The following HDAC5 variants were observed in gnomAD, a reference collection of about 807,000 sequenced individuals.
The protein encoded by HDAC5 is antigen NY-CO-9.
In HDAC5, 25 loss-of-function variants were observed where a neutral mutation model predicts 133.3. The observed-to-expected ratio is 0.19, with a 90% CI of 0.14 to 0.26. The LOEUF is 0.26. Among genes scored for constraint, HDAC5 ranks in the 10% least tolerant of loss-of-function variants. The pLI is 1.00. For missense variants in HDAC5, 1,041 were observed against 1,460.5 expected (o/e 0.71, Z 4.68); for synonymous variants, 589 against 610.8 (o/e 0.96, Z 0.53).
At chr17:44,080,907 G>A (rs1407243764) in intron 20 of HDAC5, 25 bp from the exon 21 acceptor site, 1 of 1,613,916 alleles carries the variant, frequency 6.2e-7, no homozygotes, top group African/African-American at 1.3e-5. Context: ...AGAAGCATCG[G>A]GAAAATGGCC....
intron 2 of HDAC5, among the ~76,000 whole-genome samples, chr17:44,112,496 G>T (rs751746361): frequency 7.2e-5 from 11 of 151,858 alleles, no homozygotes; most frequent in Non-Finnish European, 1.6e-4. Flanking sequence ...TGTCACAGTT[G>T]CTATTTTGGA....
rs974006449 is a variant in HDAC5 at position 44,117,265 on chromosome 17, G to T, written c.22+229C>A. Among the ~76,000 whole-genome samples, 11 of 152,198 alleles carry T rather than the reference G, an allele frequency of 7.2e-5. No homozygotes were observed. Among genetic ancestry groups the T allele is most frequent in the East Asian group, 5.8e-4 (3 of 5,192 alleles). On this transcript the variant is annotated intron_variant, in intron 2 of 26. Coordinates refer to ENST00000682912, the MANE Select transcript of HDAC5 (RefSeq NM_005474.5). The surrounding 1 kb of genome is among the most constrained non-coding windows in gnomAD (Gnocchi z 4.2). Reference sequence around the variant, plus strand: ...ACCCCTAAGTTGAGAGGGCAAGCATGGGGGGCAGAGTAGGACCCATTGCCT... The same window carrying T: ...ACCCCTAAGTTGAGAGGGCAAGCATTGGGGGCAGAGTAGGACCCATTGCCT...
Position 44,093,116 on chromosome 17 carries a change from G to A in HDAC5, c.617C>T (p.Ser206Phe), listed in dbSNP as rs1292053928. The part of the protein sequence containing the change: ...KEPTPGGLNH[S>F]LPQHPKCWGA... The stretch of plus-strand genomic sequence containing the variant: ...CCAGCATTTGGGGTGCTGTGGGAGG[G>A]AATGGTTGAGGCCGCCTGGTGTGGG... The change falls in exon 6 of 27, where the codon TCC becomes TTC. Residue 206 changes from serine (S) to phenylalanine (F), a missense_variant. Physicochemically the swap from Ser to Phe is radical, Grantham distance 155. Around this residue, in one of 9 missense-constraint regions of HDAC5, gnomAD observed 109 missense variants for 168.0 expected, o/e 0.65. Coordinates refer to ENST00000682912, the MANE Select transcript of HDAC5 (RefSeq NM_005474.5). 2 of 1,613,280 alleles carry A rather than the reference G, an allele frequency of 1.2e-6. No individual in the cohort carries two copies. The highest frequency in any genetic ancestry group is 2.2e-5 in the East Asian group (1 of 44,858).
At chr17:44,102,594 C>T (rs1008497957) in intron 3 of HDAC5, among the ~76,000 whole-genome samples, 2 of 151,624 alleles carry the variant, frequency 1.3e-5, no homozygotes, top group South Asian at 2.1e-4. Context: ...CTCTTGACCT[C>T]GTGATCCGCC....
intron 13 of HDAC5, among the ~76,000 whole-genome samples, chr17:44,087,038 C>CGCAATGAATGGAGTGCCA (rs1567989299): frequency 6.6e-6 from 1 of 151,546 alleles, no homozygotes; most frequent in Non-Finnish European, 1.5e-5. Flanking sequence ...CGGCTGTGTC[C>CGCAATGAATGGAGTGCCA]GCAATGAATG....
chr17:44,098,410 G>A (rs1034698572), intron 3 of HDAC5, among the ~76,000 whole-genome samples: 4 of 152,288 alleles, frequency 2.6e-5, no homozygotes, highest in South Asian at 4.1e-4. Flanking sequence ...GGCCCGGGGC[G>A]TGGTGGCCAG....
chr17:44,116,566 C>T (rs1291119178), intron 2 of HDAC5, among the ~76,000 whole-genome samples: 1 of 152,180 alleles, frequency 6.6e-6, no homozygotes, highest in East Asian at 1.9e-4. Flanking sequence ...TATCCACCTA[C>T]CCCTACATAA....
intron 2 of HDAC5, among the ~76,000 whole-genome samples, chr17:44,116,778 G>C (rs2052673628): frequency 6.6e-6 from 1 of 152,122 alleles, no homozygotes. Flanking sequence ...TCCAGACCCA[G>C]CTGCACATCA....
chr17:44,083,538 C>A lies in HDAC5; in HGVS notation c.2463+7G>T. 7.5e-6 allele frequency: 12 copies of A among 1,607,488 alleles called. No individual in the cohort carries two copies. Among genetic ancestry groups the A allele is most frequent in the Non-Finnish European group, 9.4e-6 (11 of 1,175,462 alleles). On this transcript the variant is annotated splice_region_variant and intron_variant, in intron 18 of 26. Transcript: ENST00000682912. ...AAGGGGCACCGAGGTCACAAGCACA[C>A]GCTCACCTTGAGCTCTCCTGCAGCC...
intron 1 of HDAC5, among the ~76,000 whole-genome samples, chr17:44,121,156 A>AG (rs1236792032): frequency 6.7e-6 from 1 of 149,186 alleles, no homozygotes; most frequent in Non-Finnish European, 1.5e-5. Flanking sequence ...GGAAGGGAGG[A>AG]GGCGGAGGCA....
chr17:44,103,909 T>C (rs1242274188), intron 3 of HDAC5, among the ~76,000 whole-genome samples: 1 of 151,774 alleles, frequency 6.6e-6, no homozygotes, highest in Non-Finnish European at 1.5e-5. Flanking sequence ...GGTTTCACCA[T>C]GTTGGCCAGG....
At chr17:44,093,867 G>A in intron 3 of HDAC5, 33 bp from the exon 4 acceptor site, 2 of 1,457,566 alleles carry the variant, frequency 1.4e-6, no homozygotes, top group Middle Eastern at 1.8e-4. Flanking sequence ...GGAGTTAGTG[G>A]GCCCAGCCCC....
In HDAC5 at chr17:44,093,436, G is replaced by A. The variant is rs1568001100; in HGVS notation, c.404C>T (p.Ala135Val). Reference protein sequence around the residue: ...AAKQQQEMLAAKRQQELEQQR... With the variant: ...AAKQQQEMLAVKRQQELEQQR... The stretch of plus-strand genomic sequence containing the variant: ...CTGCTCCAGCTCCTGCTGCCGCTTG[G>A]CTGCCAGCATCTCCTGCTGCTGCTT... The change falls in exon 5 of 27, where the codon GCC becomes GTC. Residue 135 changes from alanine (A) to valine (V), a missense_variant. Transcript: ENST00000682912. 2.4e-5 allele frequency: 38 copies of A among 1,602,620 alleles called. No individual in the cohort carries two copies. Among genetic ancestry groups the A allele is most frequent in the Non-Finnish European group, 3.2e-5 (38 of 1,175,958 alleles).
intron 3 of HDAC5, among the ~76,000 whole-genome samples, chr17:44,095,493 G>A (rs2051210625): frequency 6.6e-6 from 1 of 152,064 alleles, no homozygotes; most frequent in Non-Finnish European, 1.5e-5. Context: ...GGGGCAGACT[G>A]GGCAGGAGGG....
intron 9 of HDAC5, 52 bp downstream of exon 9, chr17:44,092,120 T>G (rs954017563): frequency 5.4e-5 from 80 of 1,492,054 alleles, no homozygotes; most frequent in Admixed American, 2.8e-4. Flanking sequence ...CTTTCTTCCA[T>G]GGGAAGGAGC....
chr17:44,084,518 T>C, intron 16 of HDAC5, 37 bp downstream of exon 16: 3 of 1,591,222 alleles, frequency 1.9e-6, no homozygotes, highest in Non-Finnish European at 2.6e-6. Context: ...ACCCTGACAC[T>C]GAACATGCCT....
At chr17:44,098,453 C>T (rs170634) in intron 3 of HDAC5, among the ~76,000 whole-genome samples, 1 of 151,942 alleles carries the variant, frequency 6.6e-6, no homozygotes, top group African/African-American at 2.4e-5. Flanking sequence ...AAAAAGGGAA[C>T]CTGGGCCAGG....
intron 2 of HDAC5, among the ~76,000 whole-genome samples, chr17:44,116,948 A>G (rs2143634683): frequency 6.6e-6 from 1 of 152,294 alleles, no homozygotes; most frequent in South Asian, 2.1e-4. Context: ...GACTCAGAGG[A>G]GAGCCGAGAC....
chr17:44,086,501 C>T, intron 14 of HDAC5, 71 bp downstream of exon 14: 1 of 1,224,274 alleles, frequency 8.2e-7, no homozygotes, highest in Non-Finnish European at 1.0e-6. Context: ...CTTCCCCCTG[C>T]CATGGGGCAG....
Sources: allele counts gnomAD v4.1 joint callset (sites outside exome capture counted in the v4.1 genomes callset), GRCh38; gene constraint gnomAD v4.1.1; regional missense constraint gnomAD v4.1.1; non-coding constraint Gnocchi (gnomAD v3.1); transcripts MANE v1.5; gene names NCBI Gene and HGNC (gene_info 2026-07-23, HGNC 2026-07-21).